VSTM1: variants seen among roughly 807,000 people sequenced by gnomAD.
VSTM1 encodes the protein V-set and transmembrane domain containing 1.
Under a neutral mutation model 33.1 loss-of-function variants are expected in VSTM1, and 27 were observed. The observed-to-expected ratio is 0.82, with a 90% CI of 0.60 to 1.12. The LOEUF is 1.12. Ranked by LOEUF, VSTM1 falls within the 50% of genes most tolerant of loss-of-function variation. The pLI is 0.00. For missense variants in VSTM1, 304 were observed against 288.9 expected (o/e 1.05, Z -0.38); for synonymous variants, 115 against 110.3 (o/e 1.04, Z -0.27).
intron 1 of VSTM1, among the ~76,000 whole-genome samples, chr19:54,059,844 T>G (rs2071299847): frequency 9.6e-6 from 1 of 104,690 alleles, no homozygotes; most frequent in African/African-American, 4.5e-5. Context: ...AGTGGTGGGT[T>G]TTTTTTTTTT....
At chr19:54,052,633 A>G (rs1185704428) in intron 3 of VSTM1, among the ~76,000 whole-genome samples, 1 of 141,816 alleles carries the variant, frequency 7.1e-6, no homozygotes, top group Non-Finnish European at 1.6e-5. Flanking sequence ...GGTGCTCAGC[A>G]TGGTGGCAAT....
intron 4 of VSTM1, among the ~76,000 whole-genome samples, chr19:54,045,519 A>G (rs1224254183): frequency 6.6e-6 from 1 of 152,028 alleles, no homozygotes; most frequent in Non-Finnish European, 1.5e-5. Context: ...CCATCCTATC[A>G]TATCTAATTA....
intron 4 of VSTM1, among the ~76,000 whole-genome samples, chr19:54,043,654 T>C (rs12984920): frequency 0.49 from 73,887 of 151,904 alleles, 18,733 homozygotes; most frequent in African/African-American, 0.6. Context: ...TCAGGCAATC[T>C]GCCTGCCTCG....
At chr19:54,043,609 G>A (rs1600109680) in intron 4 of VSTM1, among the ~76,000 whole-genome samples, 1 of 151,834 alleles carries the variant, frequency 6.6e-6, no homozygotes, top group Non-Finnish European at 1.5e-5. Context: ...ACGGGGTTTC[G>A]CCATGTTGGC....
chr19:54,045,347 C>T (rs2070521346), intron 4 of VSTM1, among the ~76,000 whole-genome samples: 1 of 152,060 alleles, frequency 6.6e-6, no homozygotes, highest in Non-Finnish European at 1.5e-5. Flanking sequence ...TATCTATCTA[C>T]CTACTTGCCT....
At chr19:54,043,777 G>A (rs2070437553) in intron 4 of VSTM1, among the ~76,000 whole-genome samples, 1 of 152,148 alleles carries the variant, frequency 6.6e-6, no homozygotes, top group Non-Finnish European at 1.5e-5. Context: ...CATGATCTCA[G>A]CTCTTAACTT....
intron 4 of VSTM1, among the ~76,000 whole-genome samples, chr19:54,043,073 A>AGAT (rs796538300): frequency 6.6e-6 from 1 of 151,784 alleles, no homozygotes; most frequent in African/African-American, 2.4e-5. Context: ...GAAGCCAGAC[A>AGAT]GATGGCCTGG....
Position 54,060,558 on chromosome 19 carries a change from G to A in VSTM1, c.35-1826C>T, listed in dbSNP as rs576339945. Among the ~76,000 whole-genome samples, 184 of 152,282 alleles carry A rather than the reference G, an allele frequency of 1.2e-3. 2 individuals carry two copies. Among genetic ancestry groups the A allele is most frequent in the Middle Eastern group, 3.4e-3 (1 of 294 alleles). On this transcript the variant is annotated intron_variant, in intron 1 of 8. Transcript: ENST00000338372. ...CGAGATTAGCTGGGATTGGCAGGTA[G>A]GAAACAGCCTCTGGGTGGGCAGGGC...
chr19:54,050,750 C>CG (rs2070798639), intron 4 of VSTM1, among the ~76,000 whole-genome samples: 1 of 151,702 alleles, frequency 6.6e-6, no homozygotes, highest in Admixed American at 6.6e-5. Context: ...GAGGCCGAGG[C>CG]GGGGGAATTG....
chr19:54,058,011 C>T (rs1422855637), intron 3 of VSTM1, among the ~76,000 whole-genome samples: 1 of 151,928 alleles, frequency 6.6e-6, no homozygotes, highest in Non-Finnish European at 1.5e-5. Flanking sequence ...GAGGCGGAGG[C>T]AGGTGGATCA....
chr19:54,063,743 C>G lies in VSTM1; in HGVS notation c.34+1G>C. 6.2e-7 allele frequency: 1 copy of G among 1,613,856 alleles called. No homozygotes were observed. On this transcript the variant is annotated splice_donor_variant, in intron 1 of 8. Transcript: ENST00000338372. LOFTEE classifies it high-confidence loss of function. ...CATTCGTCCCAGTCCTGGAGACTCACCGAGGCAAAGCAGGGAGAGGAATTC... is the reference window on the plus strand; with the variant it reads ...CATTCGTCCCAGTCCTGGAGACTCAGCGAGGCAAAGCAGGGAGAGGAATTC...
At chr19:54,059,545 G>A (rs1243088299) in intron 1 of VSTM1, among the ~76,000 whole-genome samples, 6 of 151,952 alleles carry the variant, frequency 3.9e-5, no homozygotes, top group African/African-American at 1.5e-4. Flanking sequence ...TCAGCTCACT[G>A]CAACCTCCTC....
intron 4 of VSTM1, among the ~76,000 whole-genome samples, chr19:54,048,113 CTTTTA>C (rs1250892648): frequency 1.3e-5 from 2 of 150,046 alleles, no homozygotes; most frequent in South Asian, 2.3e-4. Context: ...AGATATTTTA[CTTTTA>C]TTTTATTTAT....
chr19:54,049,126 A>C (rs965852094), intron 4 of VSTM1, among the ~76,000 whole-genome samples: 3 of 152,218 alleles, frequency 2.0e-5, no homozygotes, highest in African/African-American at 7.2e-5. Flanking sequence ...GGATAAGCAA[A>C]ATGTGGTCTA....
chr19:54,048,360 C>T, intron 4 of VSTM1: 2 of 399,404 alleles, frequency 5.0e-6, no homozygotes, highest in South Asian at 1.7e-5. Context: ...AAGTGATCCT[C>T]CTGCCTCATC....
chr19:54,044,792 G>A (rs1358564111), intron 4 of VSTM1, among the ~76,000 whole-genome samples: 9 of 152,182 alleles, frequency 5.9e-5, no homozygotes, highest in Non-Finnish European at 8.8e-5. Context: ...AGCTCACAGC[G>A]TTGAGGAAGA....
Position 54,056,862 on chromosome 19 carries a change from T to C in VSTM1, c.355+1444A>G, listed in dbSNP as rs533484024. On this transcript the variant is annotated intron_variant, in intron 3 of 8. Coordinates refer to ENST00000338372, the MANE Select transcript of VSTM1 (RefSeq NM_198481.4). Reference sequence around the variant, plus strand: ...TGTTGCATCTATCCTTCTTCTTCTTTTTTTTTTTTAGACGGAGTCTTGCTC... The same window carrying C: ...TGTTGCATCTATCCTTCTTCTTCTTCTTTTTTTTTAGACGGAGTCTTGCTC... 5.0e-5 allele frequency among the ~76,000 whole-genome samples: 7 copies of C among 140,356 alleles called. 1 individual carries two copies. The highest frequency in any genetic ancestry group is 1.3e-4 in the African/African-American group (5 of 38,164). The allele number at this position is 140,356 out of a possible 152,430, so 92.1% of individuals were successfully genotyped here.
chr19:54,052,161 G>A (rs2070873517), intron 3 of VSTM1, among the ~76,000 whole-genome samples: 1 of 152,024 alleles, frequency 6.6e-6, no homozygotes, highest in African/African-American at 2.4e-5. Context: ...CACTTTGGGA[G>A]GCCGAGGCGG....
intron 3 of VSTM1, among the ~76,000 whole-genome samples, chr19:54,057,386 T>A (rs374279976): frequency 1.0e-5 from 1 of 96,560 alleles, no homozygotes; most frequent in East Asian, 2.6e-4. Context: ...ATGGTGGTGC[T>A]TGCCTGTACT....
Sources: allele counts gnomAD v4.1 joint callset (sites outside exome capture counted in the v4.1 genomes callset), GRCh38; gene constraint gnomAD v4.1.1; transcripts MANE v1.5; gene names NCBI Gene and HGNC (gene_info 2026-07-23, HGNC 2026-07-21).